The following PTPRR variants were observed in gnomAD, a reference collection of about 807,000 sequenced individuals.
PTPRR encodes the protein receptor-type tyrosine-protein phosphatase R.
In PTPRR, 38 loss-of-function variants were observed where a neutral mutation model predicts 77.2. The observed-to-expected ratio is 0.49, with a 90% CI of 0.38 to 0.65. The LOEUF is 0.65. PTPRR is among the 30% of genes least tolerant of loss of function. The probability of loss-of-function intolerance (pLI) is 0.00; values close to 1 mark genes in which losing one functional copy is unlikely to be tolerated. For missense variants in PTPRR, 744 were observed against 799.2 expected (o/e 0.93, Z 0.83); for synonymous variants, 299 against 283.1 (o/e 1.06, Z -0.57).
chr12:70,766,547 T>C (rs11178403), intron 2 of PTPRR, among the ~76,000 whole-genome samples: 58,771 of 151,396 alleles, frequency 0.39, 14,282 homozygotes, highest in African/African-American at 0.69. Context: ...ATTGGTGTAC[T>C]TGAACGTGAC....
At position 70,819,917 on chromosome 12, in the gene PTPRR, A is replaced by G. The variant is rs1447140324; in HGVS notation, c.358-55139T>C. 1.3e-5 allele frequency among the ~76,000 whole-genome samples: 2 copies of G among 152,216 alleles called. 1 individual carries two copies. Among genetic ancestry groups the G allele is most frequent in the South Asian group, 4.1e-4 (2 of 4,836 alleles). On this transcript the variant is annotated intron_variant, in intron 2 of 13. Coordinates refer to ENST00000283228, the MANE Select transcript of PTPRR (RefSeq NM_002849.4). Reference sequence around the variant, plus strand: ...TACAGCTATGAAGAGAAGTTCTTCAATTATGACAATCTAATTTTATGAAAT... The same window carrying G: ...TACAGCTATGAAGAGAAGTTCTTCAGTTATGACAATCTAATTTTATGAAAT...
In PTPRR at chr12:70,684,801, A is replaced by G; in HGVS notation, c.1280-18T>C. Reference sequence around the variant, plus strand: ...GAGGGGATCTAATGAAGAAAACAAAAAAGAATATATTAAACAGATTTACCC... The same window carrying G: ...GAGGGGATCTAATGAAGAAAACAAAGAAGAATATATTAAACAGATTTACCC... On this transcript the variant is annotated intron_variant, in intron 8 of 13. Transcript: ENST00000283228. 6.5e-7 allele frequency: 1 copy of G among 1,542,682 alleles called. No homozygotes were observed. Among genetic ancestry groups the G allele is most frequent in the Non-Finnish European group, 8.8e-7 (1 of 1,130,562 alleles).
At chr12:70,710,680 T>C (rs1162359611) in intron 6 of PTPRR, among the ~76,000 whole-genome samples, 1 of 151,994 alleles carries the variant, frequency 6.6e-6, no homozygotes, top group Non-Finnish European at 1.5e-5. Flanking sequence ...ATATCCAGCA[T>C]CTATAAGGAA....
chr12:70,900,033 C>T (rs532106150), intron 1 of PTPRR, among the ~76,000 whole-genome samples: 5 of 151,354 alleles, frequency 3.3e-5, no homozygotes, highest in Admixed American at 6.6e-5. Context: ...TCAGAGACGA[C>T]CTAAATAAAC....
intron 6 of PTPRR, among the ~76,000 whole-genome samples, chr12:70,724,812 T>C (rs528210668): frequency 1.7e-4 from 26 of 151,760 alleles, no homozygotes; most frequent in African/African-American, 3.4e-4. Context: ...TATATATATA[T>C]ACACACACAC....
At chr12:70,893,061 T>G in intron 1 of PTPRR, 84 bp from the exon 2 acceptor site, 1 of 1,408,082 alleles carries the variant, frequency 7.1e-7, no homozygotes, top group South Asian at 1.4e-5. Context: ...GGATTACCCT[T>G]TCTTGAGAGG....
rs71437157 is a variant in PTPRR, at chr12:70,795,913, ATTTTTTT to A, written c.358-31142_358-31136del. Among the ~76,000 whole-genome samples, 29 of 88,390 alleles carry A rather than the reference ATTTTTTT, an allele frequency of 3.3e-4. 3 individuals are homozygous for A. The highest frequency in any genetic ancestry group is 1.2e-3 in the South Asian group (3 of 2,564). 58.0% of individuals were successfully genotyped at this position (88,390 alleles called of 152,430 possible). Reference sequence around the variant, plus strand: ...TATATGTTCAAAATGTATTTAGTAGATTTTTTTTTTTTTTTTTTTTTTTTTTTTGACA... The same window carrying A: ...TATATGTTCAAAATGTATTTAGTAGATTTTTTTTTTTTTTTTTTTTTGACA... On this transcript the variant is annotated intron_variant, in intron 2 of 13. Transcript: ENST00000283228.
intron 2 of PTPRR, among the ~76,000 whole-genome samples, chr12:70,832,731 G>T (rs979933235): frequency 5.3e-5 from 8 of 152,274 alleles, no homozygotes; most frequent in South Asian, 4.1e-4. Context: ...TGGCCACAAA[G>T]GAATACCTGA....
In PTPRR at chr12:70,920,392, G is replaced by C. The variant is rs1893838454; in HGVS notation, c.-2C>G. ...AGGGAAGCAGACTGCTCTCCGCATAGTGTTTGCATTGAGAGGTGGAGGAGA... is the reference window on the plus strand; with the variant it reads ...AGGGAAGCAGACTGCTCTCCGCATACTGTTTGCATTGAGAGGTGGAGGAGA... On this transcript the variant is annotated 5_prime_UTR_variant, in exon 1 of 14. Transcript: ENST00000283228. 6.2e-7 allele frequency: 1 copy of C among 1,613,174 alleles called. No homozygotes were observed. The highest frequency in any genetic ancestry group is 8.5e-7 in the Non-Finnish European group (1 of 1,179,672).
chr12:70,855,483 C>T (rs866454168), intron 2 of PTPRR, among the ~76,000 whole-genome samples: 3 of 152,112 alleles, frequency 2.0e-5, no homozygotes, highest in Non-Finnish European at 2.9e-5. Context: ...TGTAGGAATG[C>T]AAACTGAGCT....
intron 2 of PTPRR, among the ~76,000 whole-genome samples, chr12:70,872,535 A>T (rs931337830): frequency 2.6e-5 from 4 of 151,658 alleles, no homozygotes; most frequent in African/African-American, 7.3e-5. Context: ...CTCTACTAAA[A>T]ATACAAAAAA....
chr12:70,721,125 T>C (rs1192233554), intron 6 of PTPRR, among the ~76,000 whole-genome samples: 2 of 152,210 alleles, frequency 1.3e-5, no homozygotes, highest in Admixed American at 1.3e-4. Context: ...GTTACTTCTC[T>C]TGCTTGGAAG....
intron 2 of PTPRR, among the ~76,000 whole-genome samples, chr12:70,822,865 G>A (rs545108165): frequency 5.3e-5 from 8 of 152,032 alleles, no homozygotes; most frequent in Middle Eastern, 3.4e-3. Context: ...AGATTAGAGC[G>A]TAATGTTAAT....
At chr12:70,847,518 G>A (rs1892505542) in intron 2 of PTPRR, among the ~76,000 whole-genome samples, 1 of 152,116 alleles carries the variant, frequency 6.6e-6, no homozygotes, top group South Asian at 2.1e-4. Context: ...GGCTGTGGAT[G>A]TATAATTGCC....
At chr12:70,710,552 T>C (rs1410311016) in intron 6 of PTPRR, among the ~76,000 whole-genome samples, 1 of 152,060 alleles carries the variant, frequency 6.6e-6, no homozygotes, top group East Asian at 1.9e-4. Flanking sequence ...AATTGACAAA[T>C]GGGATTTAAT....
chr12:70,712,570 A>G (rs1888864568), intron 6 of PTPRR, among the ~76,000 whole-genome samples: 1 of 151,058 alleles, frequency 6.6e-6, no homozygotes, highest in Admixed American at 6.7e-5. Flanking sequence ...TATTTTTGAT[A>G]CTGTGTTTTA....
At chr12:70,880,404 A>G (rs1218449435) in intron 2 of PTPRR, among the ~76,000 whole-genome samples, 2 of 152,176 alleles carry the variant, frequency 1.3e-5, no homozygotes, top group East Asian at 3.8e-4. Flanking sequence ...TTCTAATTAT[A>G]CCTTGATTTA....
At position 70,638,928 on chromosome 12, in the gene PTPRR, A is replaced by T. The variant is rs1284171512; in HGVS notation, c.*256T>A. 1 of 485,464 alleles carries T rather than the reference A, an allele frequency of 2.1e-6. No individual in the cohort carries two copies. The highest frequency in any genetic ancestry group is 1.9e-5 in the African/African-American group (1 of 51,374). 30.1% of individuals were successfully genotyped at this position (485,464 alleles called of 1,614,324 possible). Reference sequence around the variant, plus strand: ...GTACAGACAAAACAAAATCTGCCTTAGGCTGTGTGATAAACCTATCATACC... The same window carrying T: ...GTACAGACAAAACAAAATCTGCCTTTGGCTGTGTGATAAACCTATCATACC... On this transcript the variant is annotated 3_prime_UTR_variant, in exon 14 of 14. Transcript: ENST00000283228.
At chr12:70,825,692 G>A (rs894103113) in intron 2 of PTPRR, among the ~76,000 whole-genome samples, 9 of 152,164 alleles carry the variant, frequency 5.9e-5, no homozygotes, top group Non-Finnish European at 8.8e-5. Flanking sequence ...TCTGTTGCAC[G>A]GTGCTCCCTT....
Sources: gnomAD v4.1 joint callset for allele counts (sites outside exome capture counted in the v4.1 genomes callset) on GRCh38, gnomAD v4.1.1 for gene constraint, MANE v1.5 for transcripts, NCBI Gene and HGNC (gene_info 2026-07-23, HGNC 2026-07-21) for gene names.